IDO2: variants seen among roughly 807,000 people sequenced by gnomAD.
IDO2 encodes the protein indoleamine 2,3-dioxygenase 2.
In IDO2, 46 loss-of-function variants were observed where a neutral mutation model predicts 45.1. The observed-to-expected ratio is 1.02, with a 90% CI of 0.80 to 1.30. The LOEUF (loss-of-function observed/expected upper bound fraction) is 1.30. Among genes scored for constraint, IDO2 ranks in the 50% most tolerant of loss-of-function variants. The pLI is 0.00. For synonymous variants in IDO2, 218 were observed against 184.9 expected (o/e 1.18, Z -1.45); for missense variants, 544 against 491.8 (o/e 1.11, Z -1.00).
At chr8:40,006,716 A>C (rs1168179320) in intron 9 of IDO2, among the ~76,000 whole-genome samples, 4 of 150,846 alleles carry the variant, frequency 2.7e-5, no homozygotes, top group Non-Finnish European at 4.4e-5. Flanking sequence ...GCTGGAGTGC[A>C]GTGGTGCCAT....
Position 40,015,618 on chromosome 8 carries a change from C to T in IDO2, c.*16C>T, listed in dbSNP as rs552327315. The T allele has an allele frequency of 7.3e-5, 115 of 1,577,904 alleles. No homozygotes were observed. In the African/African-American group the frequency reaches 1.5e-3, roughly 20 times the overall value. ...ACGTGGTTAGGAGGCTGCCCTCTCC[C>T]CAGCAATGCAGAGCCCCCATGGAGG... On this transcript the variant is annotated 3_prime_UTR_variant, in exon 11 of 11. Transcript: ENST00000502986.
At chr8:39,962,870 T>C (rs182444031) in intron 2 of IDO2, among the ~76,000 whole-genome samples, 1 of 152,120 alleles carries the variant, frequency 6.6e-6, no homozygotes, top group Non-Finnish European at 1.5e-5. Flanking sequence ...AAGCAAACCA[T>C]AGGTAGTATC....
At chr8:39,945,975 A>G (rs1447375182) in intron 1 of IDO2, among the ~76,000 whole-genome samples, 1 of 152,202 alleles carries the variant, frequency 6.6e-6, no homozygotes, top group Non-Finnish European at 1.5e-5. Flanking sequence ...CCCTTTCCCA[A>G]AGCAGACCTC....
At chr8:39,981,862 T>G (rs999956908) in intron 4 of IDO2, among the ~76,000 whole-genome samples, 1 of 152,186 alleles carries the variant, frequency 6.6e-6, no homozygotes, top group Admixed American at 6.5e-5. Flanking sequence ...ATAGAGAACC[T>G]CATACAGCTT....
Position 39,999,531 on chromosome 8 carries a change from A to G in IDO2, c.668-5796A>G, listed in dbSNP as rs531237425. Among the ~76,000 whole-genome samples the G allele has an allele frequency of 2.2e-4, 34 of 151,464 alleles. No individual in the cohort carries two copies. In the South Asian group the frequency reaches 6.3e-3, roughly 28 times the overall value. ...TGACTTCAGGTGATCCACCCACCTC[A>G]GTCTCCCAAAGTGCTAAGATTACAG... is the stretch of plus-strand genomic sequence containing the variant. On this transcript the variant is annotated intron_variant, in intron 8 of 10. Coordinates refer to ENST00000502986, the Ensembl canonical transcript of IDO2.
chr8:39,981,418 G>T (rs560092403), intron 4 of IDO2, among the ~76,000 whole-genome samples: 1 of 151,948 alleles, frequency 6.6e-6, no homozygotes, highest in African/African-American at 2.4e-5. Context: ...CGTCCCAGTG[G>T]GTCCTCTTTA....
chr8:40,009,537 T>C (rs1218552084), intron 9 of IDO2, among the ~76,000 whole-genome samples: 2 of 152,130 alleles, frequency 1.3e-5, no homozygotes, highest in African/African-American at 4.8e-5. Context: ...AAAATAATTG[T>C]GCCTACAGAT....
chr8:39,973,824 C>A (rs1013440817), intron 3 of IDO2, among the ~76,000 whole-genome samples: 2 of 151,734 alleles, frequency 1.3e-5, no homozygotes, highest in African/African-American at 2.4e-5. Flanking sequence ...TCACTGCAAC[C>A]TCCACTTCCC....
intron 3 of IDO2, among the ~76,000 whole-genome samples, chr8:39,972,747 C>T (rs1257757708): frequency 6.6e-6 from 1 of 151,856 alleles, no homozygotes; most frequent in Non-Finnish European, 1.5e-5. Context: ...TCTTAAGCCA[C>T]CCCAACCTTC....
chr8:39,992,953 A>G (rs993302682), intron 8 of IDO2, among the ~76,000 whole-genome samples: 1 of 152,022 alleles, frequency 6.6e-6, no homozygotes, highest in Non-Finnish European at 1.5e-5. Flanking sequence ...AGCTTTTCTC[A>G]GTTTTGTAAA....
At chr8:39,991,164 T>A (rs1808491503) in intron 8 of IDO2, among the ~76,000 whole-genome samples, 1 of 152,204 alleles carries the variant, frequency 6.6e-6, no homozygotes, top group Non-Finnish European at 1.5e-5. Flanking sequence ...CTAGTAGAAA[T>A]CTATCTGAAG....
chr8:39,981,100 C>T (rs1808343178), intron 4 of IDO2, among the ~76,000 whole-genome samples: 2 of 147,776 alleles, frequency 1.4e-5, no homozygotes, highest in Middle Eastern at 3.7e-3. Flanking sequence ...CTCACTCTGT[C>T]ACCCAGGCTG....
intron 3 of IDO2, among the ~76,000 whole-genome samples, chr8:39,976,890 G>C (rs1808267464): frequency 6.6e-6 from 1 of 152,024 alleles, no homozygotes; most frequent in African/African-American, 2.4e-5. Context: ...CCTGTCATCA[G>C]GGACAAATAA....
intron 2 of IDO2, among the ~76,000 whole-genome samples, chr8:39,959,342 C>T (rs1156546018): frequency 1.3e-5 from 2 of 151,704 alleles, no homozygotes; most frequent in African/African-American, 4.8e-5. Flanking sequence ...TCTTGATCTC[C>T]TGACTTCGTG....
chr8:40,015,166 A>C (rs1248819836), intron 10 of IDO2, 81 bp from the exon 11 acceptor site: 4 of 877,982 alleles, frequency 4.6e-6, no homozygotes, highest in Non-Finnish European at 7.1e-6. Flanking sequence ...AGAAAAAAAA[A>C]ATAAAAAAGA....
At chr8:39,997,002 A>G (rs4236912) in intron 8 of IDO2, among the ~76,000 whole-genome samples, 69,852 of 152,044 alleles carry the variant, frequency 0.46, 16,708 homozygotes, top group South Asian at 0.54. Flanking sequence ...ACTCAGTTAC[A>G]CTGTTGAAAA....
intron 3 of IDO2, among the ~76,000 whole-genome samples, chr8:39,969,720 C>A (rs1328729508): frequency 6.6e-6 from 1 of 152,034 alleles, no homozygotes. Context: ...ACTAAAAATG[C>A]AAAAATTAGC....
chr8:39,982,222 CTCTA>C (rs1265222972), intron 4 of IDO2, among the ~76,000 whole-genome samples: 1 of 112,286 alleles, frequency 8.9e-6, no homozygotes, highest in African/African-American at 3.6e-5. Flanking sequence ...TATCATCTCT[CTCTA>C]TATATGTGTG....
chr8:39,967,304 T>A (rs1808100645), intron 3 of IDO2, among the ~76,000 whole-genome samples: 1 of 152,128 alleles, frequency 6.6e-6, no homozygotes, highest in South Asian at 2.1e-4. Context: ...ATATTTGAGT[T>A]TTTTATATCA....
Sources: allele counts gnomAD v4.1 joint callset (sites outside exome capture counted in the v4.1 genomes callset), GRCh38; gene constraint gnomAD v4.1.1; transcripts MANE v1.5; gene names NCBI Gene and HGNC (gene_info 2026-07-23, HGNC 2026-07-21).